Variants in WDR41 observed in about 807,000 individuals in gnomAD.
The protein encoded by WDR41 is WD repeat-containing protein 41.
WDR41 carries 63 observed loss-of-function variants against 69.3 expected under a neutral mutation model. The ratio of observed to expected loss-of-function variants is 0.91; its 90% CI spans 0.74 to 1.12. The LOEUF is 1.12. Among genes scored for constraint, WDR41 ranks in the 50% most tolerant of loss-of-function variants. The pLI is 0.00. For synonymous variants in WDR41, 185 were observed against 192.1 expected (o/e 0.96, Z 0.31); for missense variants, 543 against 534.5 (o/e 1.02, Z -0.16).
intron 8 of WDR41, among the ~76,000 whole-genome samples, chr5:77,445,709 C>T (rs384144): frequency 0.52 from 79,611 of 151,920 alleles, 21,509 homozygotes; most frequent in African/African-American, 0.65. Context: ...AAAAGGCCTT[C>T]GATAAAATTT....
At chr5:77,583,648 A>G (rs1222064226) in intron 1 of WDR41, among the ~76,000 whole-genome samples, 3 of 152,118 alleles carry the variant, frequency 2.0e-5, no homozygotes, top group Non-Finnish European at 4.4e-5. Flanking sequence ...CAACAGTGAA[A>G]CTCCCAGGCC....
At chr5:77,485,239 A>G (rs1376372157) in intron 2 of WDR41, among the ~76,000 whole-genome samples, 2 of 152,122 alleles carry the variant, frequency 1.3e-5, no homozygotes, top group East Asian at 1.9e-4. Flanking sequence ...AGAAGGATCT[A>G]TACTGACTAT....
intron 1 of WDR41, among the ~76,000 whole-genome samples, chr5:77,557,768 A>G (rs1373557200): frequency 2.6e-5 from 4 of 152,202 alleles, no homozygotes; most frequent in South Asian, 2.1e-4. Context: ...GACACTATTC[A>G]TAATAGAGAA....
chr5:77,588,967 T>C (rs1744087018), intron 1 of WDR41, among the ~76,000 whole-genome samples: 1 of 152,152 alleles, frequency 6.6e-6, no homozygotes, highest in Non-Finnish European at 1.5e-5. Flanking sequence ...TTTGTGGCCA[T>C]TTAAATAGCA....
intron 8 of WDR41, among the ~76,000 whole-genome samples, chr5:77,447,004 A>T (rs146875415): frequency 0.037 from 5,584 of 152,296 alleles, 115 homozygotes; most frequent in Middle Eastern, 0.095. Flanking sequence ...AAATGGGAGA[A>T]AATTTTTGCA....
At chr5:77,436,065 G>T (rs78882907) in intron 12 of WDR41, among the ~76,000 whole-genome samples, 196 bp downstream of exon 12, 5,585 of 152,162 alleles carry the variant, frequency 0.037, 116 homozygotes, top group Middle Eastern at 0.099. Flanking sequence ...TGCATTCCTT[G>T]TTTCCTCAAA....
chr5:77,608,786 A>G (rs1327817928), intron 1 of WDR41, among the ~76,000 whole-genome samples: 1 of 152,166 alleles, frequency 6.6e-6, no homozygotes, highest in Non-Finnish European at 1.5e-5. Flanking sequence ...CTCACTAGGG[A>G]GTGCCAGACA....
intron 8 of WDR41, among the ~76,000 whole-genome samples, chr5:77,449,078 A>T (rs1375183765): frequency 6.6e-6 from 1 of 152,142 alleles, no homozygotes; most frequent in Admixed American, 6.5e-5. Flanking sequence ...CACCCAGCAC[A>T]GTTCTGATGA....
intron 2 of WDR41, among the ~76,000 whole-genome samples, chr5:77,466,875 AAATACAAACCAG>A (rs1391289419): frequency 4.0e-5 from 6 of 151,742 alleles, no homozygotes; most frequent in Admixed American, 1.3e-4. Flanking sequence ...TTAAGCTTTA[AAATACAAACCAG>A]TATAACTTTG....
chr5:77,590,927 T>G (rs1744126389), intron 1 of WDR41, among the ~76,000 whole-genome samples: 1 of 152,168 alleles, frequency 6.6e-6, no homozygotes, highest in Non-Finnish European at 1.5e-5. Flanking sequence ...CTGGAAAAGT[T>G]TATGTAAGAC....
intron 1 of WDR41, among the ~76,000 whole-genome samples, chr5:77,574,542 A>G (rs1580018494): frequency 6.6e-6 from 1 of 152,118 alleles, no homozygotes; most frequent in South Asian, 2.1e-4. Context: ...ACTTCAAAGG[A>G]TCATTACTCA....
intron 1 of WDR41, among the ~76,000 whole-genome samples, chr5:77,573,596 G>C (rs577819503): frequency 1.3e-5 from 2 of 152,206 alleles, no homozygotes; most frequent in Non-Finnish European, 2.9e-5. Flanking sequence ...GAACTGTTCT[G>C]CTTGCAGCCA....
At chr5:77,438,633 A>C (rs963628244) in intron 9 of WDR41, among the ~76,000 whole-genome samples, 1 of 152,196 alleles carries the variant, frequency 6.6e-6, no homozygotes, top group Admixed American at 6.5e-5. Context: ...TCACTGAAAT[A>C]TATCTAGAGA....
At chr5:77,527,284 G>A (rs2112201020) in intron 1 of WDR41, among the ~76,000 whole-genome samples, 1 of 151,942 alleles carries the variant, frequency 6.6e-6, no homozygotes, top group East Asian at 1.9e-4. Context: ...AGTATTAAAA[G>A]TGAAAGGAAA....
Position 77,434,547 on chromosome 5 carries a change from G to C in WDR41, c.1228-1260C>G, listed in dbSNP as rs554441017. Among the ~76,000 whole-genome samples, 3 of 151,688 alleles carry C rather than the reference G, an allele frequency of 2.0e-5. No homozygotes were observed. The East Asian group carries it at 5.9e-4, about 30-fold the overall frequency. ...TGGTGACACCCCATCTCTACTAAAA[G>C]TACAAAAATTAGCTGGGCGTGGTGG... is the stretch of plus-strand genomic sequence containing the variant. On this transcript the variant is annotated intron_variant, in intron 12 of 12. Coordinates refer to ENST00000296679, the MANE Select transcript of WDR41 (RefSeq NM_018268.4).
chr5:77,483,375 G>C (rs1383328421), intron 2 of WDR41, among the ~76,000 whole-genome samples: 1 of 151,974 alleles, frequency 6.6e-6, no homozygotes, highest in Non-Finnish European at 1.5e-5. Context: ...CTGAGCTCAA[G>C]GAATCCTCCC....
intron 1 of WDR41, among the ~76,000 whole-genome samples, chr5:77,573,687 G>A (rs559052148): frequency 1.3e-5 from 2 of 152,120 alleles, no homozygotes; most frequent in African/African-American, 2.4e-5. Context: ...TTATAGAAAG[G>A]GGGAGAGATG....
intron 12 of WDR41, 107 bp from the exon 13 acceptor site, chr5:77,433,394 G>A: frequency 3.3e-6 from 3 of 898,504 alleles, no homozygotes; most frequent in Non-Finnish European, 4.8e-6. Context: ...AGACTCCTTT[G>A]GATCTGGGTG....
intron 5 of WDR41, 92 bp downstream of exon 5, chr5:77,458,970 C>T: frequency 1.1e-6 from 1 of 870,638 alleles, no homozygotes; most frequent in Non-Finnish European, 1.8e-6. Flanking sequence ...ATTCATAAGA[C>T]CCACAAAAGT....
Sources: gnomAD v4.1 joint callset for allele counts (sites outside exome capture counted in the v4.1 genomes callset) on GRCh38, gnomAD v4.1.1 for gene constraint, MANE v1.5 for transcripts, NCBI Gene and HGNC (gene_info 2026-07-23, HGNC 2026-07-21) for gene names.